The following SMAD6 variants were observed in gnomAD, a reference collection of about 807,000 sequenced individuals.
SMAD6 encodes the protein MAD homolog 6.
Under a neutral mutation model 39.4 loss-of-function variants are expected in SMAD6, and 103 were observed. The observed-to-expected ratio is 2.62, with a 90% CI of 2.23 to 3.08. The LOEUF (loss-of-function observed/expected upper bound fraction) is 3.08. SMAD6 is among the 30% of genes most tolerant of loss of function. The pLI, the probability that SMAD6 is intolerant of heterozygous loss-of-function variation, is 0.00. For synonymous variants in SMAD6, 445 were observed against 353.3 expected, an observed-to-expected ratio of 1.26 and a Z score of -2.91; for missense variants, 1,104 against 742.9, an observed-to-expected ratio of 1.49 and a Z score of -5.65.
intron 3 of SMAD6, among the ~76,000 whole-genome samples, chr15:66,773,250 C>A (rs1293853705): frequency 6.6e-6 from 1 of 152,118 alleles, no homozygotes; most frequent in African/African-American, 2.4e-5. Flanking sequence ...TAAGAGGAAA[C>A]TCCTGTCAGC....
intron 3 of SMAD6, among the ~76,000 whole-genome samples, chr15:66,766,265 A>G (rs766188451): frequency 1.4e-4 from 22 of 152,102 alleles, no homozygotes; most frequent in Non-Finnish European, 2.4e-4. Context: ...ACCGTGGGAG[A>G]TGTCAGGGAG....
chr15:66,779,366 C>T (rs1171293407), intron 3 of SMAD6, among the ~76,000 whole-genome samples: 1 of 152,186 alleles, frequency 6.6e-6, no homozygotes, highest in Non-Finnish European at 1.5e-5. Context: ...ATCCAAGCTG[C>T]GGGCTGGTGT....
chr15:66,757,529 G>A (rs1241673626), intron 3 of SMAD6, among the ~76,000 whole-genome samples: 1 of 152,214 alleles, frequency 6.6e-6, no homozygotes, highest in Non-Finnish European at 1.5e-5. Context: ...CCTGAGGGGT[G>A]TCCAGCAGGA....
Position 66,780,990 on chromosome 15 carries a change from C to A in SMAD6, c.953-7C>A, listed in dbSNP as rs778147848. On this transcript the variant is annotated splice_polypyrimidine_tract_variant and splice_region_variant and intron_variant, in intron 3 of 3. Transcript: ENST00000288840. Reference sequence around the variant, plus strand: ...ATAACGCGGCGGTCCCTGTGCTTGTCCCGCAGACGCCAGCATGTCTCCGGA... The same window carrying A: ...ATAACGCGGCGGTCCCTGTGCTTGTACCGCAGACGCCAGCATGTCTCCGGA... 1.7e-5 allele frequency: 27 copies of A among 1,556,238 alleles called. No homozygotes were observed. The South Asian group carries it at 3.0e-4, about 17-fold the overall frequency.
chr15:66,770,518 G>C (rs186650758), intron 3 of SMAD6, among the ~76,000 whole-genome samples: 38 of 152,238 alleles, frequency 2.5e-4, no homozygotes, highest in Non-Finnish European at 4.9e-4. Flanking sequence ...TGTTATTTTA[G>C]AACCTTTCCA....
At chr15:66,721,777 A>G (rs57183043) in intron 3 of SMAD6, among the ~76,000 whole-genome samples, 40,482 of 152,088 alleles carry the variant, frequency 0.27, 6,222 homozygotes, top group East Asian at 0.44. Context: ...TAAAAGTTAC[A>G]TTGTTTCTGC....
chr15:66,719,950 A>C (rs1412123819), intron 3 of SMAD6, among the ~76,000 whole-genome samples: 4 of 152,194 alleles, frequency 2.6e-5, no homozygotes, highest in Non-Finnish European at 1.5e-5. Context: ...CAGAGCTTTA[A>C]GCAGATCTGG....
intron 2 of SMAD6, among the ~76,000 whole-genome samples, chr15:66,713,938 T>G (rs1382770929): frequency 6.6e-6 from 1 of 152,170 alleles, no homozygotes; most frequent in African/African-American, 2.4e-5. Context: ...GGCGAGGAGC[T>G]TCCCAGCTAA....
At chr15:66,770,239 C>G (rs954044589) in intron 3 of SMAD6, among the ~76,000 whole-genome samples, 1 of 152,208 alleles carries the variant, frequency 6.6e-6, no homozygotes, top group African/African-American at 2.4e-5. Context: ...AATTTTGTCT[C>G]TGTGGTCTCA....
At chr15:66,718,431 C>T (rs1433176553) in intron 3 of SMAD6, among the ~76,000 whole-genome samples, 1 of 152,176 alleles carries the variant, frequency 6.6e-6, no homozygotes, top group Non-Finnish European at 1.5e-5. Context: ...GTCCCTGCTA[C>T]TCATGACTGT....
In SMAD6 at chr15:66,717,214, ATGGTGGCC is replaced by A. The variant is rs1375615545; in HGVS notation, c.952+724_952+731del. On this transcript the variant is annotated intron_variant, in intron 3 of 3. Coordinates refer to ENST00000288840, the MANE Select transcript of SMAD6 (RefSeq NM_005585.5). ...GCCCTTTGGGAGCATGGCTGGTGGC[ATGGTGGCC>A]TGGTGGCATGCTGGCTGGGACTGAC... is the stretch of plus-strand genomic sequence containing the variant. 9 of 1,084,142 alleles carry A rather than the reference ATGGTGGCC, an allele frequency of 8.3e-6. No individual in the cohort carries two copies. The African/African-American group carries it at 1.5e-4, about 18-fold the overall frequency. 67.2% of individuals were successfully genotyped at this position (1,084,142 alleles called of 1,614,324 possible). A position where few individuals can be genotyped will look rare whatever the true frequency, so the allele number is the denominator to read the frequency against.
intron 3 of SMAD6, among the ~76,000 whole-genome samples, chr15:66,754,608 G>T (rs1894065591): frequency 6.6e-6 from 1 of 152,184 alleles, no homozygotes; most frequent in Non-Finnish European, 1.5e-5. Flanking sequence ...GCTGGGCTTT[G>T]TAGGGTTATG....
chr15:66,746,349 A>G (rs1321413356), intron 3 of SMAD6, among the ~76,000 whole-genome samples: 1 of 152,084 alleles, frequency 6.6e-6, no homozygotes, highest in East Asian at 1.9e-4. Context: ...GGCATGTGGG[A>G]CGTGTGGGCT....
intron 3 of SMAD6, among the ~76,000 whole-genome samples, chr15:66,720,055 C>T (rs965351543): frequency 1.3e-5 from 2 of 152,102 alleles, no homozygotes; most frequent in Non-Finnish European, 2.9e-5. Context: ...CTGGTTTCCT[C>T]GCCTAATTCA....
chr15:66,778,768 C>G (rs1894509656), intron 3 of SMAD6, among the ~76,000 whole-genome samples: 1 of 152,122 alleles, frequency 6.6e-6, no homozygotes, highest in Admixed American at 6.5e-5. Flanking sequence ...CAAGGCGGCC[C>G]CAGCATTCAC....
At chr15:66,735,942 C>T (rs887891326) in intron 3 of SMAD6, among the ~76,000 whole-genome samples, 17 of 152,220 alleles carry the variant, frequency 1.1e-4, no homozygotes, top group Admixed American at 2.0e-4. Context: ...GGGTGTGTCA[C>T]GGTATCCGCG....
In SMAD6 at chr15:66,703,347, G is replaced by C. The variant is rs1567091237; in HGVS notation, c.89G>C (p.Gly30Ala). ...PDREEGGSGG[G>A]GGGDEDGSLG... ...CGGGAGGAAGGCGGCAGCGGCGGCGGCGGTGGCGGCGACGAGGATGGGAGC... is the reference window on the plus strand; with the variant it reads ...CGGGAGGAAGGCGGCAGCGGCGGCGCCGGTGGCGGCGACGAGGATGGGAGC... Residue 30 changes from glycine to alanine, a missense_variant, in exon 1 of 4, where the codon GGC becomes GCC. Transcript: ENST00000288840. 2 of 1,482,612 alleles carry C rather than the reference G, an allele frequency of 1.3e-6. No homozygotes were observed. Among genetic ancestry groups the C allele is most frequent in the Non-Finnish European group, 1.8e-6 (2 of 1,116,516 alleles). The allele number at this position is 1,482,612 out of a possible 1,614,324, so 91.8% of individuals were successfully genotyped here. A position where few individuals can be genotyped will look rare whatever the true frequency, so the allele number is the denominator to read the frequency against.
chr15:66,740,774 A>G (rs1306901867), intron 3 of SMAD6: 1 of 152,112 alleles, frequency 6.6e-6, no homozygotes, highest in African/African-American at 2.4e-5. Context: ...GGCCAGAACT[A>G]TAGTTGACTC....
intron 3 of SMAD6, among the ~76,000 whole-genome samples, chr15:66,768,696 T>C (rs889220252): frequency 1.3e-5 from 2 of 152,212 alleles, no homozygotes; most frequent in African/African-American, 4.8e-5. Context: ...TGAGCATCAG[T>C]AGTACTCTCT....
Sources: gnomAD v4.1 joint callset for allele counts (sites outside exome capture counted in the v4.1 genomes callset) on GRCh38, gnomAD v4.1.1 for gene constraint, MANE v1.5 for transcripts, NCBI Gene and HGNC (gene_info 2026-07-23, HGNC 2026-07-21) for gene names.